KDM4B: variants seen among roughly 807,000 people sequenced by gnomAD.
KDM4B encodes lysine-specific demethylase 4B.
Under a neutral mutation model 125.2 loss-of-function variants are expected in KDM4B, and 32 were observed. That is an observed-to-expected ratio of 0.26 (90% CI 0.19 to 0.34). The LOEUF is 0.34. KDM4B is among the 10% of genes least tolerant of loss of function. The probability of loss-of-function intolerance (pLI) is 1.00; values close to 1 mark genes in which losing one functional copy is unlikely to be tolerated. For synonymous variants in KDM4B, 721 were observed against 677.9 expected, an observed-to-expected ratio of 1.06 and a Z score of -0.99; for missense variants, 1,190 against 1,577.7, an observed-to-expected ratio of 0.75 and a Z score of 4.16.
In KDM4B at chr19:5,072,533, G is replaced by A. The variant is rs183198745; in HGVS notation, c.676+1474G>A. On this transcript the variant is annotated intron_variant, in intron 7 of 22. Coordinates refer to ENST00000159111, the MANE Select transcript of KDM4B (RefSeq NM_015015.3). ...ATTCTGCAGTCACAGACAGGCCGTA[G>A]CAAAGGTCCAGCTCACTTACATACT... Among the ~76,000 whole-genome samples the A allele has an allele frequency of 9.9e-4, 151 of 152,342 alleles. 1 individual carries two copies. The highest frequency in any genetic ancestry group is 8.7e-4 in the Non-Finnish European group (59 of 68,032).
At chr19:4,982,524 T>C (rs936115984) in intron 1 of KDM4B, among the ~76,000 whole-genome samples, 2 of 151,906 alleles carry the variant, frequency 1.3e-5, no homozygotes, top group African/African-American at 4.8e-5. Flanking sequence ...TTCCTTTTTT[T>C]AAAAAAATTT....
chr19:5,091,387 C>G (rs769538289), intron 9 of KDM4B, among the ~76,000 whole-genome samples: 3 of 152,150 alleles, frequency 2.0e-5, no homozygotes, highest in Non-Finnish European at 4.4e-5. Context: ...CCAGCCTCCC[C>G]GGGGACATCT....
chr19:5,127,957 CGTG>C (rs2039477191), intron 11 of KDM4B, among the ~76,000 whole-genome samples: 2 of 151,684 alleles, frequency 1.3e-5, no homozygotes, highest in East Asian at 1.9e-4. Context: ...CCTGTGGTCT[CGTG>C]AGGACAGCCC....
chr19:4,979,976 A>G (rs771729630), intron 1 of KDM4B, among the ~76,000 whole-genome samples: 2 of 152,030 alleles, frequency 1.3e-5, no homozygotes, highest in Non-Finnish European at 2.9e-5. Flanking sequence ...ATAGTGGTGC[A>G]CGCCTGTAGT....
Position 5,144,341 on chromosome 19 carries a change from T to A in KDM4B, c.2830T>A (p.Ser944Thr). Residue 944 changes from serine (S) to threonine (T), a missense_variant, in exon 20 of 23, where the codon TCG becomes ACG. This residue lies in a region of KDM4B where 298 missense variants were observed against 439.7 expected (regional missense o/e 0.68). Coordinates refer to ENST00000159111, the MANE Select transcript of KDM4B (RefSeq NM_015015.3). Reference sequence around the variant, plus strand: ...CCGCTGTCGCGTCATCGGTGCCGCCTCGCAGACCTGCTACGAAGTGAACTT... The same window carrying A: ...CCGCTGTCGCGTCATCGGTGCCGCCACGCAGACCTGCTACGAAGTGAACTT... ...YYRCRVIGAASQTCYEVNFDD... is the reference protein window; with the variant it reads ...YYRCRVIGAATQTCYEVNFDD... 1 of 1,552,572 alleles carries A rather than the reference T, an allele frequency of 6.4e-7. No homozygotes were observed. Among genetic ancestry groups the A allele is most frequent in the South Asian group, 1.2e-5 (1 of 84,842 alleles).
At chr19:5,044,875 C>T (rs956697563) in intron 5 of KDM4B, among the ~76,000 whole-genome samples, 1 of 152,188 alleles carries the variant, frequency 6.6e-6, no homozygotes, top group East Asian at 1.9e-4. Context: ...CCATTGGCCT[C>T]TTTGACCAAG....
intron 1 of KDM4B, among the ~76,000 whole-genome samples, chr19:4,985,246 C>T (rs572367832): frequency 3.3e-4 from 51 of 152,262 alleles, no homozygotes; most frequent in African/African-American, 1.2e-3. Flanking sequence ...ATCTCTTGAG[C>T]CTGTGAAGTG....
chr19:5,012,300 C>T (rs1488013948), intron 1 of KDM4B, among the ~76,000 whole-genome samples: 1 of 152,168 alleles, frequency 6.6e-6, no homozygotes, highest in Non-Finnish European at 1.5e-5. Flanking sequence ...TCTCTGCCTG[C>T]CACCCCCCAC....
intron 4 of KDM4B, 114 bp from the exon 5 acceptor site, chr19:5,041,023 G>A: frequency 3.1e-6 from 2 of 649,910 alleles, no homozygotes; most frequent in South Asian, 3.6e-5. Context: ...CGGGCAGTCG[G>A]AGCAGAGCCC....
rs1340399049 is a variant in KDM4B, at chr19:5,144,332, G to A, written c.2821G>A (p.Gly941Ser). The A allele has an allele frequency of 3.2e-6, 5 of 1,569,980 alleles. No homozygotes were observed. The highest frequency in any genetic ancestry group is 1.8e-5 in the Admixed American group (1 of 54,738). Reference protein sequence around the residue: ...NGLYYRCRVIGAASQTCYEVN... With the variant: ...NGLYYRCRVISAASQTCYEVN... The stretch of plus-strand genomic sequence containing the variant: ...GCTGTACTACCGCTGTCGCGTCATC[G>A]GTGCCGCCTCGCAGACCTGCTACGA... The change falls in exon 20 of 23, where the codon GGT (glycine) becomes AGT (serine). Residue 941 changes from glycine (G) to serine (S), a missense_variant. This residue lies in a region of KDM4B where 298 missense variants were observed against 439.7 expected (regional missense o/e 0.68). Transcript: ENST00000159111.
Position 5,131,219 on chromosome 19 carries a change from C to G in KDM4B, c.1459C>G (p.Pro487Ala). 6.2e-7 allele frequency: 1 copy of G among 1,604,920 alleles called. No individual in the cohort carries two copies. Among genetic ancestry groups the G allele is most frequent in the African/African-American group, 1.3e-5 (1 of 74,934 alleles). Reference protein sequence around the residue: ...EALWLPSPLEPPVLGPGPAAM... With the variant: ...EALWLPSPLEAPVLGPGPAAM... Reference sequence around the variant, plus strand: ...GCTGTGGCTGCCATCCCCACTGGAGCCCCCGGTGCTGGGCCCAGGCCCTGC... The same window carrying G: ...GCTGTGGCTGCCATCCCCACTGGAGGCCCCGGTGCTGGGCCCAGGCCCTGC... Residue 487 changes from proline (P) to alanine (A), a missense_variant, in exon 12 of 23, where the codon CCC (proline) becomes GCC (alanine). By Grantham distance (27) the Pro-to-Ala change is conservative. Transcript: ENST00000159111.
At chr19:5,030,266 C>T (rs149545856) in intron 2 of KDM4B, among the ~76,000 whole-genome samples, 1 of 152,334 alleles carries the variant, frequency 6.6e-6, no homozygotes, top group Non-Finnish European at 1.5e-5. Flanking sequence ...GCCACCGTGC[C>T]TAGCGCTTTC....
chr19:5,060,755 C>T (rs1299720426), intron 6 of KDM4B, among the ~76,000 whole-genome samples: 2 of 152,222 alleles, frequency 1.3e-5, no homozygotes, highest in Admixed American at 1.3e-4. Flanking sequence ...GTGTCCGAAC[C>T]TGACAGCCGC....
intron 9 of KDM4B, among the ~76,000 whole-genome samples, chr19:5,089,921 C>T (rs1450620891): frequency 2.6e-5 from 4 of 152,160 alleles, no homozygotes; most frequent in Admixed American, 6.5e-5. Context: ...CCTCTAATCC[C>T]AGCATTTAGG....
chr19:5,034,558 A>G (rs1055754539), intron 3 of KDM4B, among the ~76,000 whole-genome samples: 2 of 152,218 alleles, frequency 1.3e-5, no homozygotes, highest in African/African-American at 2.4e-5. Context: ...AAAAGCCTTC[A>G]TAACTCAAAG....
At chr19:5,017,795 C>T (rs1048277633) in intron 2 of KDM4B, among the ~76,000 whole-genome samples, 7 of 152,024 alleles carry the variant, frequency 4.6e-5, no homozygotes, top group Non-Finnish European at 7.4e-5. Context: ...GGCTGGAGTG[C>T]AGTGGCGTGA....
chr19:5,063,476 G>A (rs561222689), intron 6 of KDM4B, among the ~76,000 whole-genome samples: 8 of 152,238 alleles, frequency 5.3e-5, no homozygotes, highest in Non-Finnish European at 1.0e-4. Flanking sequence ...GAAGGTCATC[G>A]GGCAGGATTC....
At position 5,081,597 on chromosome 19, in the gene KDM4B, G is replaced by A. The variant is rs1034980978; in HGVS notation, c.781-770G>A. On this transcript the variant is annotated intron_variant, in intron 8 of 22. Coordinates refer to ENST00000159111, the MANE Select transcript of KDM4B (RefSeq NM_015015.3). This position sits in a 1 kb window ranked among gnomAD's most constrained non-coding sequence, Gnocchi z 4.2. The stretch of plus-strand genomic sequence containing the variant: ...TCCTGCTTCAGAGACCTGCAAAGTC[G>A]AATGGGCCGAACATCCGAATTGGAC... 1.3e-5 allele frequency among the ~76,000 whole-genome samples: 2 copies of A among 152,160 alleles called. No homozygotes were observed. Among genetic ancestry groups the A allele is most frequent in the African/African-American group, 4.8e-5 (2 of 41,424 alleles).
chr19:5,147,462 C>T (rs1308138499), intron 21 of KDM4B, among the ~76,000 whole-genome samples: 2 of 152,128 alleles, frequency 1.3e-5, no homozygotes, highest in Admixed American at 1.3e-4. Flanking sequence ...TGAGATGATG[C>T]CAGCCAGGCG....
Sources: gnomAD v4.1 joint callset for allele counts (sites outside exome capture counted in the v4.1 genomes callset) on GRCh38, gnomAD v4.1.1 for gene constraint, gnomAD v4.1.1 regional missense constraint, Gnocchi (gnomAD v3.1) non-coding constraint, MANE v1.5 for transcripts, NCBI Gene and HGNC (gene_info 2026-07-23, HGNC 2026-07-21) for gene names.